The following PBX1 variants were observed in gnomAD, a reference collection of about 807,000 sequenced individuals.
PBX1 encodes pre-B-cell leukemia transcription factor 1.
PBX1 carries 6 observed loss-of-function variants against 53.4 expected under a neutral mutation model. The observed-to-expected ratio is 0.11, with a 90% confidence interval of 0.06 to 0.22. PBX1 has a LOEUF of 0.22. Among genes scored for constraint, PBX1 ranks in the 10% least tolerant of loss-of-function variants. The pLI is 1.00. For missense variants in PBX1, 251 were observed against 551.4 expected (o/e 0.46, Z 5.46); for synonymous variants, 204 against 212.3 (o/e 0.96, Z 0.34).
At chr1:164,617,451 A>G (rs1248367753) in intron 2 of PBX1, among the ~76,000 whole-genome samples, 1 of 152,252 alleles carries the variant, frequency 6.6e-6, no homozygotes, top group Non-Finnish European at 1.5e-5. Flanking sequence ...ATAGTAGTTT[A>G]AAACAGCATT....
intron 2 of PBX1, among the ~76,000 whole-genome samples, chr1:164,622,808 C>G (rs12093816): frequency 6.7e-6 from 1 of 149,052 alleles, no homozygotes; most frequent in African/African-American, 2.5e-5. Flanking sequence ...TACATACATA[C>G]ACACAGTTTC....
chr1:164,713,793 A>C (rs1221368220), intron 2 of PBX1, among the ~76,000 whole-genome samples: 1 of 152,272 alleles, frequency 6.6e-6, no homozygotes, highest in African/African-American at 2.4e-5. Flanking sequence ...ATCTTTGAAT[A>C]GCAGAACTGT....
intron 2 of PBX1, among the ~76,000 whole-genome samples, chr1:164,637,698 C>T (rs761592639): frequency 5.9e-5 from 9 of 152,240 alleles, no homozygotes; most frequent in South Asian, 2.1e-4. Flanking sequence ...GTTCCACTGA[C>T]GTTTGGTTGG....
intron 2 of PBX1, among the ~76,000 whole-genome samples, chr1:164,634,117 T>C (rs1022953530): frequency 1.3e-5 from 2 of 152,228 alleles, no homozygotes; most frequent in Non-Finnish European, 2.9e-5. Flanking sequence ...AGCTTTGTCT[T>C]CTGGACCTGC....
At chr1:164,725,600 A>G (rs887681204) in intron 2 of PBX1, among the ~76,000 whole-genome samples, 7 of 152,080 alleles carry the variant, frequency 4.6e-5, no homozygotes, top group African/African-American at 1.7e-4. Context: ...ACCCATAAAC[A>G]CACAACATGG....
chr1:164,828,717 C>T (rs1399159325), intron 8 of PBX1: 3 of 151,858 alleles, frequency 2.0e-5, no homozygotes, highest in South Asian at 4.1e-4. Flanking sequence ...GGCATGGTCC[C>T]TCTAGATGTC....
chr1:164,589,872 A>G (rs377495484), intron 2 of PBX1, among the ~76,000 whole-genome samples: 2 of 152,188 alleles, frequency 1.3e-5, no homozygotes, highest in African/African-American at 2.4e-5. Context: ...TTGTCAGAGA[A>G]AAATAAATAT....
intron 2 of PBX1, among the ~76,000 whole-genome samples, chr1:164,653,744 T>C (rs888382664): frequency 5.3e-5 from 8 of 152,174 alleles, no homozygotes; most frequent in African/African-American, 1.9e-4. Flanking sequence ...CACTCCAGCC[T>C]GGGTAACAGA....
In PBX1 at chr1:164,568,337, T is replaced by TAA. The variant is rs11388718; in HGVS notation, c.265+5034_265+5035dup. Among the ~76,000 whole-genome samples the TAA allele has an allele frequency of 7.6e-3, 1,152 of 151,076 alleles. 23 individuals are homozygous for TAA. The highest frequency in any genetic ancestry group is 0.026 in the African/African-American group (1,086 of 41,180). On this transcript the variant is annotated intron_variant, in intron 2 of 8. Transcript: ENST00000420696. ...AATATTCTTTTTATTGCTTTTCCTTTAAAAAAAAAGTTTACCAAAGCACCA... is the reference window on the plus strand; with the variant it reads ...AATATTCTTTTTATTGCTTTTCCTTTAAAAAAAAAAAGTTTACCAAAGCACCA...
At chr1:164,816,251 A>T (rs911400925) in intron 6 of PBX1, 1 of 152,302 alleles carries the variant, frequency 6.6e-6, no homozygotes, top group African/African-American at 2.4e-5. Context: ...CCAAGTAGAA[A>T]GTAACAATGA....
At chr1:164,609,967 G>A (rs537276538) in intron 2 of PBX1, among the ~76,000 whole-genome samples, 1 of 152,158 alleles carries the variant, frequency 6.6e-6, no homozygotes, top group Non-Finnish European at 1.5e-5. Context: ...GCTTCCTGGC[G>A]TCATAACAGA....
chr1:164,804,199 A>G (rs1383800853), intron 4 of PBX1, among the ~76,000 whole-genome samples: 1 of 152,230 alleles, frequency 6.6e-6, no homozygotes, highest in Non-Finnish European at 1.5e-5. Context: ...TCAAACTGGC[A>G]CTGCACAGGA....
Position 164,875,264 on chromosome 1 carries a change from A to C in PBX1, n.258-23924A>C, listed in dbSNP as rs73030727. ...GAAGCTGTCAAACAGGGATACAGACATAAGGGAGCCCCAGAACAAAAATTA... is the reference window on the plus strand; with the variant it reads ...GAAGCTGTCAAACAGGGATACAGACCTAAGGGAGCCCCAGAACAAAAATTA... On this transcript the variant is annotated intron_variant and non_coding_transcript_variant, in intron 2 of 2. Transcript: ENST00000558796. Among the ~76,000 whole-genome samples, 743 of 152,320 alleles carry C rather than the reference A, an allele frequency of 4.9e-3. 6 individuals carry two copies. Among genetic ancestry groups the C allele is most frequent in the African/African-American group, 0.016 (682 of 41,562 alleles).
chr1:164,602,133 A>G (rs1389715326), intron 2 of PBX1, among the ~76,000 whole-genome samples: 1 of 152,118 alleles, frequency 6.6e-6, no homozygotes, highest in Non-Finnish European at 1.5e-5. Flanking sequence ...CTGATTCTTC[A>G]CTGTGGCCTT....
At chr1:164,681,544 G>A (rs575603530) in intron 2 of PBX1, among the ~76,000 whole-genome samples, 9 of 152,164 alleles carry the variant, frequency 5.9e-5, no homozygotes, top group Non-Finnish European at 1.0e-4. Context: ...ACAGCTGATT[G>A]TCAGGCCTAG....
chr1:164,865,376 C>T (rs769290254), intron 2 of PBX1, among the ~76,000 whole-genome samples: 5 of 152,152 alleles, frequency 3.3e-5, no homozygotes, highest in African/African-American at 4.8e-5. Flanking sequence ...AGCTTCCACC[C>T]GAACCAGCTG....
chr1:164,854,398 A>G (rs1558048516), downstream of PBX1: 1 of 152,126 alleles, frequency 6.6e-6, no homozygotes, highest in East Asian at 1.9e-4. Context: ...ACCATTTCGT[A>G]TGCAGAATAT....
intron 2 of PBX1, among the ~76,000 whole-genome samples, chr1:164,569,828 G>T (rs1653719756): frequency 6.6e-6 from 1 of 151,970 alleles, no homozygotes; most frequent in African/African-American, 2.4e-5. Flanking sequence ...CCCAGTGCTG[G>T]TTTACAGCCG....
chr1:164,751,051 C>T (rs1335442411), intron 2 of PBX1, among the ~76,000 whole-genome samples: 1 of 152,076 alleles, frequency 6.6e-6, no homozygotes, highest in African/African-American at 2.4e-5. Context: ...TGCGGTGACT[C>T]ATGCCTGTAA....
Sources: allele counts gnomAD v4.1 joint callset (sites outside exome capture counted in the v4.1 genomes callset), GRCh38; gene constraint gnomAD v4.1.1; transcripts MANE v1.5; gene names NCBI Gene and HGNC (gene_info 2026-07-23, HGNC 2026-07-21).